Variants in SEMA6D observed in about 807,000 individuals in gnomAD.
The protein encoded by SEMA6D is semaphorin 6D, also known as semaphorin-6D.
Under a neutral mutation model 106.6 loss-of-function variants are expected in SEMA6D, and 35 were observed. The observed-to-expected ratio is 0.33, with a 90% CI of 0.25 to 0.44. The LOEUF is 0.44. Among genes scored for constraint, SEMA6D ranks in the 20% least tolerant of loss-of-function variants. SEMA6D has a pLI of 1.00. For missense variants in SEMA6D, 1,185 were observed against 1,345.9 expected, an observed-to-expected ratio of 0.88 and a Z score of 1.87; for synonymous variants, 499 against 487.7, an observed-to-expected ratio of 1.02 and a Z score of -0.31.
At chr15:47,667,697 A>AGGAG (rs2078054841) in intron 4 of SEMA6D, among the ~76,000 whole-genome samples, 1 of 152,168 alleles carries the variant, frequency 6.6e-6, no homozygotes, top group African/African-American at 2.4e-5. Context: ...CTCACGTGGC[A>AGGAG]GGAGGGCTTA....
At chr15:47,538,736 A>G (rs2045257542) in intron 3 of SEMA6D, among the ~76,000 whole-genome samples, 2 of 152,200 alleles carry the variant, frequency 1.3e-5, no homozygotes, top group Admixed American at 1.3e-4. Context: ...GAGTTTAGTA[A>G]CAAATAACCT....
chr15:47,673,087 G>A (rs1460401799), intron 4 of SEMA6D, among the ~76,000 whole-genome samples: 1 of 151,872 alleles, frequency 6.6e-6, no homozygotes, highest in Non-Finnish European at 1.5e-5. Flanking sequence ...TATGCCCCTA[G>A]CTTGGTGACT....
At chr15:47,313,858 C>T (rs574525314) in intron 1 of SEMA6D, among the ~76,000 whole-genome samples, 1 of 152,208 alleles carries the variant, frequency 6.6e-6, no homozygotes, top group Non-Finnish European at 1.5e-5. Flanking sequence ...GCCACCATGC[C>T]AGGCCCAAAT....
chr15:47,704,988 T>G (rs547703185), intron 4 of SEMA6D, among the ~76,000 whole-genome samples: 56 of 152,346 alleles, frequency 3.7e-4, no homozygotes, highest in Admixed American at 2.7e-3. Flanking sequence ...TAAAAATACA[T>G]TCACTTTTCT....
At chr15:47,203,328 T>C (rs1894842280) in intron 1 of SEMA6D, among the ~76,000 whole-genome samples, 1 of 152,092 alleles carries the variant, frequency 6.6e-6, no homozygotes, top group Non-Finnish European at 1.5e-5. Flanking sequence ...AAGGCAATTG[T>C]CTTAAGATCC....
chr15:47,415,009 A>C (rs1054621520), intron 2 of SEMA6D, among the ~76,000 whole-genome samples: 1 of 152,206 alleles, frequency 6.6e-6, no homozygotes, highest in Admixed American at 6.5e-5. Context: ...TAAAATAATA[A>C]GTAAAAAATA....
chr15:47,641,556 T>C (rs1287985079), intron 4 of SEMA6D, among the ~76,000 whole-genome samples: 1 of 152,204 alleles, frequency 6.6e-6, no homozygotes, highest in Non-Finnish European at 1.5e-5. Context: ...CTAACTGGGC[T>C]CTTCCAAAGG....
At chr15:47,405,832 T>C (rs535975690) in intron 1 of SEMA6D, among the ~76,000 whole-genome samples, 1 of 152,112 alleles carries the variant, frequency 6.6e-6, no homozygotes, top group African/African-American at 2.4e-5. Flanking sequence ...CATAAATGAG[T>C]TACAAATCCT....
rs368418987 is a variant in SEMA6D, at chr15:47,409,899, TG to T, written c.-238-2486del. 2.5e-4 allele frequency among the ~76,000 whole-genome samples: 31 copies of T among 125,356 alleles called. 1 individual carries two copies. The East Asian group carries it at 5.0e-3, about 20-fold the overall frequency. 82.2% of individuals were successfully genotyped at this position (125,356 alleles called of 152,430 possible). A position where few individuals can be genotyped will look rare whatever the true frequency, so the allele number is the denominator to read the frequency against. On this transcript the variant is annotated intron_variant, in intron 1 of 19. Coordinates refer to the SEMA6D transcript ENST00000558014. ...AATTTGCAAACTATTTTCGGGGTTG[TG>T]GGGGGGGTGGGGAGGCAGGTCTTAG...
intron 1 of SEMA6D, among the ~76,000 whole-genome samples, chr15:47,410,745 G>A (rs1202095622): frequency 6.6e-6 from 1 of 152,118 alleles, no homozygotes; most frequent in Non-Finnish European, 1.5e-5. Flanking sequence ...CAAAGAATCT[G>A]TGTTGTTACA....
intron 1 of SEMA6D, among the ~76,000 whole-genome samples, chr15:47,336,991 T>C (rs150566489): frequency 6.6e-6 from 1 of 152,090 alleles, no homozygotes; most frequent in South Asian, 2.1e-4. Flanking sequence ...TCCCTGTGTT[T>C]GGGTTTTTAC....
intron 2 of SEMA6D, among the ~76,000 whole-genome samples, chr15:47,458,780 G>A (rs2042416601): frequency 6.6e-6 from 1 of 151,878 alleles, no homozygotes. Flanking sequence ...CAAATCAATG[G>A]CATATGCTTC....
chr15:47,556,663 A>G (rs2045924836), intron 3 of SEMA6D, among the ~76,000 whole-genome samples: 2 of 152,148 alleles, frequency 1.3e-5, no homozygotes, highest in African/African-American at 4.8e-5. Context: ...ACAGAACTAA[A>G]TGAGAAAAAT....
At chr15:47,513,881 T>C (rs1362001830) in intron 3 of SEMA6D, among the ~76,000 whole-genome samples, 1 of 152,242 alleles carries the variant, frequency 6.6e-6, no homozygotes, top group African/African-American at 2.4e-5. Flanking sequence ...TAAATGTTTG[T>C]TCTGCCACCT....
At position 47,552,891 on chromosome 15, in the gene SEMA6D, A is replaced by AATATATATAAAT. The variant is rs561289378; in HGVS notation, c.-86-47965_-86-47964insAATATATATATA. The stretch of plus-strand genomic sequence containing the variant: ...TTTTATATATATATAAATATATATA[A>AATATATATAAAT]ATATATATATATATAAATATATATA... On this transcript the variant is annotated intron_variant, in intron 3 of 19. Transcript: ENST00000558014. 8.0e-3 allele frequency among the ~76,000 whole-genome samples: 283 copies of AATATATATAAAT among 35,280 alleles called. 23 individuals are homozygous for AATATATATAAAT. Among genetic ancestry groups the AATATATATAAAT allele is most frequent in the African/African-American group, 0.014 (117 of 8,478 alleles). 23.1% of individuals were successfully genotyped at this position (35,280 alleles called of 152,430 possible).
chr15:47,456,760 T>G (rs1164253615), intron 2 of SEMA6D, among the ~76,000 whole-genome samples: 1 of 152,048 alleles, frequency 6.6e-6, no homozygotes, highest in Non-Finnish European at 1.5e-5. Context: ...CTCAAGAGTT[T>G]CCAGGAAGGA....
Position 47,764,631 on chromosome 15 carries a change from C to T in SEMA6D, c.1098-7C>T. 8.1e-6 allele frequency: 13 copies of T among 1,613,730 alleles called. No homozygotes were observed. Among genetic ancestry groups the T allele is most frequent in the African/African-American group, 2.7e-5 (2 of 75,040 alleles). ...GAGAGCATAAAATAACGCTGTTTTC[C>T]TTTCAGGCCTGGCTGTTGTGCAAAA... On this transcript the variant is annotated splice_polypyrimidine_tract_variant and splice_region_variant and intron_variant, in intron 11 of 18. Coordinates refer to ENST00000536845, the MANE Select transcript of SEMA6D (RefSeq NM_001358351.3).
intron 2 of SEMA6D, among the ~76,000 whole-genome samples, chr15:47,418,496 T>C (rs1305262145): frequency 6.6e-6 from 1 of 152,080 alleles, no homozygotes; most frequent in Non-Finnish European, 1.5e-5. Context: ...TGTTTGTCCT[T>C]ACATGGTGAG....
At chr15:47,769,408 A>G (rs1487890733) in intron 18 of SEMA6D, among the ~76,000 whole-genome samples, 2 of 152,186 alleles carry the variant, frequency 1.3e-5, no homozygotes, top group African/African-American at 4.8e-5. Flanking sequence ...TATGATTTAT[A>G]TCGGTTGATT....
Sources: gnomAD v4.1 joint callset for allele counts (sites outside exome capture counted in the v4.1 genomes callset) on GRCh38, gnomAD v4.1.1 for gene constraint, MANE v1.5 for transcripts, NCBI Gene and HGNC (gene_info 2026-07-23, HGNC 2026-07-21) for gene names.